Variants in MMP1 observed in about 807,000 individuals in gnomAD.
MMP1 encodes the protein interstitial collagenase.
Under a neutral mutation model 49.6 loss-of-function variants are expected in MMP1, and 51 were observed. The observed-to-expected ratio is 1.03, with a 90% CI of 0.82 to 1.30. MMP1 has a LOEUF of 1.30. Among genes scored for constraint, MMP1 ranks in the 50% most tolerant of loss-of-function variants. The pLI is 0.00. For synonymous variants in MMP1, 230 were observed against 196.8 expected (o/e 1.17, Z -1.41); for missense variants, 623 against 568.7 (o/e 1.10, Z -0.97).
Position 102,797,636 on chromosome 11 carries a change from T to C in MMP1, c.106-136A>G, listed in dbSNP as rs1858238478. On this transcript the variant is annotated intron_variant, in intron 1 of 9. Transcript: ENST00000315274. ...TTAGATTTCGCAGTTGCTTTTATCC[T>C]TATTTTTGGTGAGAAATGAAATTTC... 3.5e-6 allele frequency: 4 copies of C among 1,135,200 alleles called. No homozygotes were observed. The East Asian group carries it at 1.0e-4, about 28-fold the overall frequency. The allele number at this position is 1,135,200 out of a possible 1,614,324, so 70.3% of individuals were successfully genotyped here. A position where few individuals can be genotyped will look rare whatever the true frequency, so the allele number is the denominator to read the frequency against.
Position 102,795,173 on chromosome 11 carries a change from C to T in MMP1, c.899+1G>A, listed in dbSNP as rs778222889. ...ATCACAAAGAAGAACTGACATCTTA[C>T]CTGTCTTTAAAGAACATCACTTCTC... On this transcript the variant is annotated splice_donor_variant, in intron 6 of 9. Coordinates refer to ENST00000315274, the MANE Select transcript of MMP1 (RefSeq NM_002421.4). LOFTEE classifies it high-confidence loss of function. 1.9e-6 allele frequency: 3 copies of T among 1,601,406 alleles called. No individual in the cohort carries two copies. Among genetic ancestry groups the T allele is most frequent in the Admixed American group, 1.7e-5 (1 of 59,950 alleles).
rs1858136862 is a variant in MMP1 at position 102,794,881 on chromosome 11, C to A, written c.899+293G>T. On this transcript the variant is annotated intron_variant, in intron 6 of 9. Transcript: ENST00000315274. The surrounding 1 kb of genome is among the most constrained non-coding windows in gnomAD (Gnocchi z 4.3). Reference sequence around the variant, plus strand: ...TCTGCTACCAATGAGCTCTATGCCCCCAAAAGATCTCTTTCCTTCTCTCTG... The same window carrying A: ...TCTGCTACCAATGAGCTCTATGCCCACAAAAGATCTCTTTCCTTCTCTCTG... Among the ~76,000 whole-genome samples the A allele has an allele frequency of 6.6e-6, 1 of 152,094 alleles. No individual in the cohort carries two copies. Among genetic ancestry groups the A allele is most frequent in the Non-Finnish European group, 1.5e-5 (1 of 68,024 alleles).
chr11:102,791,051 T>C (rs539285150), intron 8 of MMP1, among the ~76,000 whole-genome samples: 1 of 152,212 alleles, frequency 6.6e-6, no homozygotes, highest in Non-Finnish European at 1.5e-5. Context: ...GGTAACATAC[T>C]ATGGAAGATA....
Position 102,796,689 on chromosome 11 carries a change from A to C in MMP1, c.600T>G (p.Asp200Glu), listed in dbSNP as rs369054402. The C allele has an allele frequency of 2.4e-5, 38 of 1,613,902 alleles. No homozygotes were observed. In the African/African-American group the frequency reaches 4.9e-4, roughly 21 times the overall value. Residue 200 changes from aspartate to glutamate, a missense_variant, in exon 4 of 10, where the codon GAT becomes GAG. Coordinates refer to ENST00000315274, the MANE Select transcript of MMP1 (RefSeq NM_002421.4). The stretch of plus-strand genomic sequence containing the variant: ...CTCTGAAATTGTTGGTCCACCTTTC[A>C]TCTTCATCAAAATGAGCATCCCCTC... ...GIGGDAHFDE[D>E]ERWTNNFREY...
rs1858228475 is a variant in MMP1, at chr11:102,797,415, A to C, written c.191T>G (p.Leu64Trp). The C allele has an allele frequency of 1.2e-6, 2 of 1,614,022 alleles. No individual in the cohort carries two copies. The highest frequency in any genetic ancestry group is 1.7e-5 in the Admixed American group (1 of 59,976). ...CCCAAAGAATTCCTGCATTTGCTTC[A>C]ATTTTTCAACCACTGGGCCACTATT... The part of the protein sequence containing the change: ...RRNSGPVVEK[L>W]KQMQEFFGLK... The change falls in exon 2 of 10, where the codon TTG (leucine) becomes TGG (tryptophan). Residue 64 changes from leucine (L) to tryptophan (W), a missense_variant. Leu to Trp is a moderately conservative substitution (Grantham distance 61). Transcript: ENST00000315274.
At position 102,795,213 on chromosome 11, in the gene MMP1, A is replaced by C; in HGVS notation, c.860T>G (p.Ile287Arg). 2 of 1,614,134 alleles carry C rather than the reference A, an allele frequency of 1.2e-6. No homozygotes were observed. The highest frequency in any genetic ancestry group is 1.7e-6 in the Non-Finnish European group (2 of 1,179,976). Residue 287 changes from isoleucine to arginine, a missense_variant, in exon 6 of 10, where the codon ATA (isoleucine) becomes AGA (arginine). Physicochemically the swap from Ile to Arg is moderately conservative, Grantham distance 97. Coordinates refer to ENST00000315274, the MANE Select transcript of MMP1 (RefSeq NM_002421.4). ...CATCACTTCTCCCCGAATCGTAGTT[A>C]TAGCATCAAAGGTTAGCTTACTGTC... is the stretch of plus-strand genomic sequence containing the variant. ...ACDSKLTFDA[I>R]TTIRGEVMFF...
At chr11:102,795,117 G>T in intron 6 of MMP1, 57 bp downstream of exon 6, 5 of 1,263,198 alleles carry the variant, frequency 4.0e-6, no homozygotes, top group Non-Finnish European at 4.6e-6. Flanking sequence ...GTTAATCATA[G>T]TGGTGAATGT....
chr11:102,792,684 A>G lies in MMP1; in HGVS notation c.954T>C (p.Ser318=), dbSNP rs762231631. ...CATTTGGCAGTTGTGGCCAGAAAAC[A>G]GAAATGAAATTGAGCTCAACTTCCG... The part of the protein sequence containing the change: ...FYPEVELNFI[S]VFWPQLPNGL... Residue 318 remains serine, a synonymous_variant, in exon 7 of 10, where the codon TCT becomes TCC. Coordinates refer to ENST00000315274, the MANE Select transcript of MMP1 (RefSeq NM_002421.4). 3.6e-5 allele frequency: 58 copies of G among 1,613,850 alleles called. No individual in the cohort carries two copies. The highest frequency in any genetic ancestry group is 1.6e-4 in the Middle Eastern group (1 of 6,080).
In MMP1 at chr11:102,798,101, T is replaced by C; in HGVS notation, c.-9A>G. ...GGAGGAAAGCTGTGCATACTGGCCT[T>C]TGTCTTCTTTCTCAGTGCAAGGTAA... On this transcript the variant is annotated 5_prime_UTR_variant, in exon 1 of 10. Coordinates refer to ENST00000315274, the MANE Select transcript of MMP1 (RefSeq NM_002421.4). The C allele has an allele frequency of 6.2e-7, 1 of 1,603,008 alleles. No individual in the cohort carries two copies. The highest frequency in any genetic ancestry group is 8.5e-7 in the Non-Finnish European group (1 of 1,178,384).
rs1267366498 is a variant in MMP1 at position 102,790,031 on chromosome 11, T to G, written c.*381A>C. On this transcript the variant is annotated 3_prime_UTR_variant, in exon 10 of 10. Transcript: ENST00000315274. The stretch of plus-strand genomic sequence containing the variant: ...ACACCAGTGACTGCACATGTGTTCT[T>G]GAGCTGCTTTTCCTCCGGCAAAGAC... The G allele has an allele frequency of 6.3e-6, 1 of 158,150 alleles. No individual in the cohort carries two copies. The highest frequency in any genetic ancestry group is 2.4e-5 in the African/African-American group (1 of 41,586). 9.8% of individuals were successfully genotyped at this position (158,150 alleles called of 1,614,324 possible).
rs750559501 is a variant in MMP1, at chr11:102,795,558, T to C, written c.675A>G (p.Gly225=). 6.2e-7 allele frequency: 1 copy of C among 1,613,374 alleles called. No homozygotes were observed. The highest frequency in any genetic ancestry group is 1.1e-5 in the South Asian group (1 of 91,024). Residue 225 remains glycine, a synonymous_variant, in exon 5 of 10, where the codon GGA becomes GGG. Coordinates refer to ENST00000315274, the MANE Select transcript of MMP1 (RefSeq NM_002421.4). ...VAAHELGHSL[G]LSHSTDIGAL... is the part of the protein sequence containing the mutation. ...CCCCGATATCAGTAGAATGGGAGAG[T>C]CCAAGAGAATGGCCGAGTTCATGAG...
At position 102,790,348 on chromosome 11, in the gene MMP1, A is replaced by T. The variant is rs1857989469; in HGVS notation, c.*64T>A. 3.3e-6 allele frequency: 3 copies of T among 913,916 alleles called. No individual in the cohort carries two copies. The Admixed American group carries it at 6.7e-5, about 20-fold the overall frequency. The allele number at this position is 913,916 out of a possible 1,614,324, so 56.6% of individuals were successfully genotyped here. On this transcript the variant is annotated 3_prime_UTR_variant, in exon 10 of 10. Coordinates refer to ENST00000315274, the MANE Select transcript of MMP1 (RefSeq NM_002421.4). ...GTTAAAAATGACTGAGAAAATAGACAGTTCTTCAGGAAAACACCTTCTTTG... is the reference window on the plus strand; with the variant it reads ...GTTAAAAATGACTGAGAAAATAGACTGTTCTTCAGGAAAACACCTTCTTTG...
intron 2 of MMP1, 23 bp downstream of exon 2, chr11:102,797,233 A>T (rs1303399199): frequency 1.2e-6 from 2 of 1,613,644 alleles, no homozygotes; most frequent in African/African-American, 2.7e-5. Context: ...TAGCTCTCTC[A>T]CTCTGGCCCT....
chr11:102,790,688 T>G lies in MMP1; in HGVS notation c.1300+15A>C. ...ACGGCAATGAAATGGAGGAAATACA[T>G]GTATATTCACTTACCATCTTTCATG... On this transcript the variant is annotated intron_variant, in intron 9 of 9. Coordinates refer to ENST00000315274, the MANE Select transcript of MMP1 (RefSeq NM_002421.4). 6.5e-7 allele frequency: 1 copy of G among 1,548,682 alleles called. No individual in the cohort carries two copies. Among genetic ancestry groups the G allele is most frequent in the Non-Finnish European group, 8.9e-7 (1 of 1,120,842 alleles).
chr11:102,790,166 C>A lies in MMP1; in HGVS notation c.*246G>T. 3.2e-6 allele frequency: 1 copy of A among 315,266 alleles called. No homozygotes were observed. Among genetic ancestry groups the A allele is most frequent in the Non-Finnish European group, 5.8e-6 (1 of 172,482 alleles). 19.5% of individuals were successfully genotyped at this position (315,266 alleles called of 1,614,324 possible). On this transcript the variant is annotated 3_prime_UTR_variant, in exon 10 of 10. Coordinates refer to ENST00000315274, the MANE Select transcript of MMP1 (RefSeq NM_002421.4). ...CTGGAAAAGATCTTTGCAACTCTGG[C>A]CTATATGAATCCATAAGCCACAAAC...
intron 1 of MMP1, 28 bp downstream of exon 1, chr11:102,797,960 T>G (rs373359556): frequency 6.0e-6 from 9 of 1,494,742 alleles, no homozygotes; most frequent in Non-Finnish European, 8.3e-6. Context: ...AAAATTTACA[T>G]TATTGTCACA....
chr11:102,790,659 T>C (rs1858000815), intron 9 of MMP1, 44 bp downstream of exon 9: 1 of 1,419,760 alleles, frequency 7.0e-7, no homozygotes, highest in African/African-American at 1.4e-5. Flanking sequence ...ATGATGTTAT[T>C]GCTACGGCAA....
At position 102,797,911 on chromosome 11, in the gene MMP1, A is replaced by T. The variant is rs1858248507; in HGVS notation, c.105+77T>A. On this transcript the variant is annotated intron_variant, in intron 1 of 9. Coordinates refer to ENST00000315274, the MANE Select transcript of MMP1 (RefSeq NM_002421.4). ...ATCTCTTTATAAGAAACCTATCCTT[A>T]AAAAACTCTATTACATTACTGCAGA... 4 of 1,129,828 alleles carry T rather than the reference A, an allele frequency of 3.5e-6. No individual in the cohort carries two copies. The East Asian group carries it at 7.5e-5, about 21-fold the overall frequency. The allele number at this position is 1,129,828 out of a possible 1,614,324, so 70.0% of individuals were successfully genotyped here. A position where few individuals can be genotyped will look rare whatever the true frequency, so the allele number is the denominator to read the frequency against.
rs757344593 is a variant in MMP1 at position 102,797,002 on chromosome 11, A to G, written c.499+12T>C. The G allele has an allele frequency of 6.2e-7, 1 of 1,609,520 alleles. No homozygotes were observed. The highest frequency in any genetic ancestry group is 8.5e-7 in the Non-Finnish European group (1 of 1,177,092). On this transcript the variant is annotated intron_variant, in intron 3 of 9. Coordinates refer to ENST00000315274, the MANE Select transcript of MMP1 (RefSeq NM_002421.4). ...GGCAAGGTGAGGTTAAGGTGCTATA[A>G]GAAGAACTTACCTCCCCTGACAAAA...
Sources: allele counts gnomAD v4.1 joint callset (sites outside exome capture counted in the v4.1 genomes callset), GRCh38; gene constraint gnomAD v4.1.1; non-coding constraint Gnocchi (gnomAD v3.1); transcripts MANE v1.5; gene names NCBI Gene and HGNC (gene_info 2026-07-23, HGNC 2026-07-21).